Variants in NOL9 observed in about 807,000 individuals in gnomAD.
NOL9 encodes polynucleotide 5'-hydroxyl-kinase NOL9.
A neutral mutation model predicts 67.9 loss-of-function variants in NOL9; 28 were observed. That is an observed-to-expected ratio of 0.41 (90% CI 0.31 to 0.57). NOL9 has a LOEUF of 0.57. Ranked by LOEUF, NOL9 falls within the 20% of genes least tolerant of loss-of-function variation. NOL9 has a pLI of 0.25. For missense variants in NOL9, 777 were observed against 897.0 expected, an observed-to-expected ratio of 0.87 and a Z score of 1.71; for synonymous variants, 356 against 352.2, an observed-to-expected ratio of 1.01 and a Z score of -0.12.
intron 9 of NOL9, among the ~76,000 whole-genome samples, chr1:6,530,574 C>T (rs149455072): frequency 5.3e-4 from 80 of 152,312 alleles, no homozygotes; most frequent in African/African-American, 1.9e-3. Flanking sequence ...TAAACTAAAA[C>T]CCCATTAGCA....
At chr1:6,551,343 A>G (rs1207915056) in intron 1 of NOL9, among the ~76,000 whole-genome samples, 1 of 148,736 alleles carries the variant, frequency 6.7e-6, no homozygotes, top group African/African-American at 2.4e-5. Context: ...ACTCTGGGAG[A>G]AGGAGGTGGG....
chr1:6,533,909 CAG>C (rs1013760166), intron 6 of NOL9, among the ~76,000 whole-genome samples: 4 of 148,798 alleles, frequency 2.7e-5, no homozygotes, highest in African/African-American at 7.5e-5. Context: ...TTTTTTTAGA[CAG>C]AGTTTCACTC....
Position 6,526,607 on chromosome 1 carries a change from A to T in NOL9, c.1959+89T>A, listed in dbSNP as rs560748105. 100 of 1,335,432 alleles carry T rather than the reference A, an allele frequency of 7.5e-5. No homozygotes were observed. The African/African-American group carries it at 1.0e-3, about 13-fold the overall frequency. The allele number at this position is 1,335,432 out of a possible 1,614,324, so 82.7% of individuals were successfully genotyped here. On this transcript the variant is annotated intron_variant, in intron 11 of 11. Transcript: ENST00000377705. ...AAAGTATAGGTTTCCCAGATCACCCATTCCCATGACCCCTGACCCTACTTC... is the reference window on the plus strand; with the variant it reads ...AAAGTATAGGTTTCCCAGATCACCCTTTCCCATGACCCCTGACCCTACTTC...
chr1:6,554,189 G>C lies in NOL9; in HGVS notation c.314C>G (p.Ser105Trp). Residue 105 changes from serine to tryptophan, a missense_variant, in exon 1 of 12, where the codon TCG becomes TGG. Ser to Trp is a radical substitution (Grantham distance 177). Around this residue, in one of 2 missense-constraint regions of NOL9, gnomAD observed 364 missense variants for 344.4 expected, o/e 1.06. Coordinates refer to ENST00000377705, the MANE Select transcript of NOL9 (RefSeq NM_024654.5). ...GATGAGGAGAGGCCGGTGGCAACTC[G>C]AGGCGGATTCGAGTTCGGGTTCGGA... ...PESEPELESA[S>W]SCHRPLLIPP... 1.3e-6 allele frequency: 2 copies of C among 1,522,386 alleles called. No individual in the cohort carries two copies. The highest frequency in any genetic ancestry group is 1.8e-6 in the Non-Finnish European group (2 of 1,134,408). 94.3% of individuals were successfully genotyped at this position (1,522,386 alleles called of 1,614,324 possible). A position where few individuals can be genotyped will look rare whatever the true frequency, so the allele number is the denominator to read the frequency against.
rs1468049770 is a variant in NOL9, at chr1:6,529,047, G to C, written c.1772C>G (p.Thr591Arg). 9 of 1,614,098 alleles carry C rather than the reference G, an allele frequency of 5.6e-6. No individual in the cohort carries two copies. Among genetic ancestry groups the C allele is most frequent in the Non-Finnish European group, 7.6e-6 (9 of 1,180,038 alleles). ...CTGGGCAAGCAGGATGGGCCCATTC[G>C]TGTATCCTCTGACGTCATCCTGGAT... The part of the protein sequence containing the change: ...CKIQDDVRGY[T>R]NGPILLAQTP... The change falls in exon 10 of 12, where the codon ACG (threonine) becomes AGG (arginine). Residue 591 changes from threonine (T) to arginine (R), a missense_variant. By Grantham distance (71) the Thr-to-Arg change is moderately conservative. Transcript: ENST00000377705.
Position 6,522,002 on chromosome 1 carries a change from A to ATGG in NOL9, c.*3851_*3852insCCA, listed in dbSNP as rs1456726184. On this transcript the variant is annotated 3_prime_UTR_variant, in exon 12 of 12. Coordinates refer to ENST00000377705, the MANE Select transcript of NOL9 (RefSeq NM_024654.5). ...AGCCAGGATTTGAACTCAGAGCTCT[A>ATGG]TAATCAAAGCCTGCTGTCTTATCCA... 6.6e-6 allele frequency: 1 copy of ATGG among 152,232 alleles called. No homozygotes were observed. Among genetic ancestry groups the ATGG allele is most frequent in the Non-Finnish European group, 1.5e-5 (1 of 68,046 alleles). The allele number at this position is 152,232 out of a possible 1,614,324, so 9.4% of individuals were successfully genotyped here.
chr1:6,525,999 C>T lies in NOL9; in HGVS notation c.1964G>A (p.Gly655Glu), dbSNP rs1638875893. Residue 655 changes from glycine to glutamate, a missense_variant, in exon 12 of 12, where the codon GGG becomes GAG. This residue lies in a region of NOL9 where 413 missense variants were observed against 552.6 expected (regional missense o/e 0.75). Transcript: ENST00000377705. ...IPHCVLKCQR[G>E]IEGTVPYVTT... Reference sequence around the variant, plus strand: ...GACATAAGGTACTGTCCCTTCGATCCCACGCTGAAACGGAAACACAGAGAA... The same window carrying T: ...GACATAAGGTACTGTCCCTTCGATCTCACGCTGAAACGGAAACACAGAGAA... 6.2e-7 allele frequency: 1 copy of T among 1,613,632 alleles called. No homozygotes were observed. Among genetic ancestry groups the T allele is most frequent in the South Asian group, 1.1e-5 (1 of 91,056 alleles).
chr1:6,535,356 G>A (rs1418019639), intron 6 of NOL9, among the ~76,000 whole-genome samples: 1 of 152,154 alleles, frequency 6.6e-6, no homozygotes, highest in Non-Finnish European at 1.5e-5. Context: ...CTATGGAAGA[G>A]AAAGTGAAAG....
intron 6 of NOL9, among the ~76,000 whole-genome samples, chr1:6,539,732 C>A (rs1186277377): frequency 1.3e-5 from 2 of 152,220 alleles, no homozygotes; most frequent in Non-Finnish European, 2.9e-5. Flanking sequence ...AATCTGCCGG[C>A]CTTGGCCTCC....
intron 5 of NOL9, among the ~76,000 whole-genome samples, chr1:6,544,543 A>ACCCCCCCC (rs33922236): frequency 2.0e-4 from 5 of 24,536 alleles, no homozygotes; most frequent in South Asian, 1.9e-3. Flanking sequence ...GCACACACGC[A>ACCCCCCCC]CCCCCCCCCC....
chr1:6,538,411 G>A (rs1024498570), intron 6 of NOL9, among the ~76,000 whole-genome samples: 12 of 152,206 alleles, frequency 7.9e-5, no homozygotes, highest in African/African-American at 2.9e-4. Flanking sequence ...CGTGGCTCAC[G>A]CCTGTAATCC....
Position 6,549,577 on chromosome 1 carries a change from C to T in NOL9, c.738G>A (p.Val246=). Residue 246 remains valine, a synonymous_variant, in exon 3 of 12, where the codon GTG becomes GTA. Transcript: ENST00000377705. ...GAATGAAAACGGGTTCTACCTCTTG[C>T]ACAAAAATGTAGGATGAACCCGGAT... ...TSYPGSSYIF[V]QESPTPQIKP... 6.2e-7 allele frequency: 1 copy of T among 1,613,748 alleles called. No homozygotes were observed.
intron 6 of NOL9, among the ~76,000 whole-genome samples, chr1:6,536,880 G>A (rs1257556363): frequency 6.6e-6 from 1 of 151,978 alleles, no homozygotes; most frequent in Non-Finnish European, 1.5e-5. Flanking sequence ...ATCAGGCATG[G>A]TGGCTCTGCC....
chr1:6,553,346 C>A (rs1639584746), intron 1 of NOL9, among the ~76,000 whole-genome samples: 1 of 152,072 alleles, frequency 6.6e-6, no homozygotes, highest in Non-Finnish European at 1.5e-5. Flanking sequence ...TGCCTGAGTT[C>A]GACTCCTAGC....
chr1:6,553,465 C>T (rs1268702839), intron 1 of NOL9, among the ~76,000 whole-genome samples: 6 of 152,202 alleles, frequency 3.9e-5, no homozygotes, highest in Admixed American at 3.3e-4. Context: ...GGGTTCAAAG[C>T]CTAAAACACT....
chr1:6,535,683 T>C (rs959630056), intron 6 of NOL9, among the ~76,000 whole-genome samples: 3 of 152,272 alleles, frequency 2.0e-5, no homozygotes, highest in East Asian at 1.9e-4. Flanking sequence ...TTCTAGCACT[T>C]TGGGAGGCCA....
At chr1:6,526,901 C>A (rs1416913730) in intron 10 of NOL9, 72 bp from the exon 11 acceptor site, 1 of 1,494,804 alleles carries the variant, frequency 6.7e-7, no homozygotes, top group African/African-American at 1.4e-5. Flanking sequence ...TTAGAAACTG[C>A]AGAATGGTTT....
At position 6,538,511 on chromosome 1, in the gene NOL9, A is replaced by C. The variant is rs985396271; in HGVS notation, c.1075+3319T>G. Among the ~76,000 whole-genome samples the C allele has an allele frequency of 2.0e-5, 3 of 151,720 alleles. No individual in the cohort carries two copies. The East Asian group carries it at 5.8e-4, about 29-fold the overall frequency. The stretch of plus-strand genomic sequence containing the variant: ...ACATGGTGAAACCCCATCTCTACTA[A>C]AAATACAAAAATTAGCTGGGCATGG... On this transcript the variant is annotated intron_variant, in intron 6 of 11. Transcript: ENST00000377705.
intron 6 of NOL9, among the ~76,000 whole-genome samples, chr1:6,537,827 A>C (rs1465850489): frequency 6.6e-6 from 1 of 152,004 alleles, no homozygotes; most frequent in East Asian, 1.9e-4. Flanking sequence ...ACCTAAACTT[A>C]AGAGTAAAAA....
Sources: allele counts gnomAD v4.1 joint callset (sites outside exome capture counted in the v4.1 genomes callset), GRCh38; gene constraint gnomAD v4.1.1; regional missense constraint gnomAD v4.1.1; transcripts MANE v1.5; gene names NCBI Gene and HGNC (gene_info 2026-07-23, HGNC 2026-07-21).